LBP: variants seen among roughly 807,000 people sequenced by gnomAD.
LBP encodes the protein lipopolysaccharide-binding protein.
A neutral mutation model predicts 56.6 loss-of-function variants in LBP; 53 were observed. That is an observed-to-expected ratio of 0.94 (90% CI 0.75 to 1.18). The LOEUF is 1.18. Ranked by LOEUF, LBP falls within the 50% of genes most tolerant of loss-of-function variation. The pLI is 0.00. For missense variants in LBP, 601 were observed against 598.3 expected (o/e 1.00, Z -0.05); for synonymous variants, 227 against 247.5 (o/e 0.92, Z 0.78).
At chr20:38,361,454 G>T (rs1444457747) in intron 6 of LBP, among the ~76,000 whole-genome samples, 2 of 152,068 alleles carry the variant, frequency 1.3e-5, no homozygotes, top group Non-Finnish European at 2.9e-5. Flanking sequence ...TCCCAGGCTG[G>T]AGTGCAGTGG....
intron 1 of LBP, among the ~76,000 whole-genome samples, chr20:38,348,766 T>TAGTTTAGTTC (rs1259917850): frequency 9.1e-6 from 1 of 110,036 alleles, no homozygotes; most frequent in Non-Finnish European, 2.0e-5. Context: ...TAGTTTAGTT[T>TAGTTTAGTTC]AGTTTAGTTT....
chr20:38,353,022 C>A (rs1013735274), intron 3 of LBP, among the ~76,000 whole-genome samples: 3 of 152,062 alleles, frequency 2.0e-5, no homozygotes, highest in Non-Finnish European at 4.4e-5. Context: ...CCTACATATG[C>A]ACATTTGTTC....
intron 14 of LBP, among the ~76,000 whole-genome samples, chr20:38,374,735 A>C (rs1261796126): frequency 6.6e-6 from 1 of 151,176 alleles, no homozygotes; most frequent in Non-Finnish European, 1.5e-5. Flanking sequence ...TATTATAAAT[A>C]CCTGTTTGGC....
rs769026929 is a variant in LBP, at chr20:38,374,019, T to C, written c.1401+6T>C. On this transcript the variant is annotated splice_donor_region_variant and intron_variant, in intron 14 of 14. Coordinates refer to ENST00000217407, the MANE Select transcript of LBP (RefSeq NM_004139.5). ...TTGGGCTGCAGATCCATAAGGTCGG[T>C]GGGTTCAGGGGGGCTCTGAGGATGT... The C allele has an allele frequency of 5.8e-5, 94 of 1,613,634 alleles. No individual in the cohort carries two copies. Among genetic ancestry groups the C allele is most frequent in the Non-Finnish European group, 2.4e-5 (28 of 1,179,778 alleles).
Position 38,362,392 on chromosome 20 carries a change from T to C in LBP, c.653-1583T>C, listed in dbSNP as rs1444787557. Among the ~76,000 whole-genome samples the C allele has an allele frequency of 3.6e-3, 516 of 144,864 alleles. 2 individuals carry two copies. Among genetic ancestry groups the C allele is most frequent in the African/African-American group, 0.013 (503 of 39,690 alleles). ...TTTAGGGAGGCCGAGGCGGGTGGAT[T>C]ACCTGAGGTCAGGAGTTCGAGACCA... On this transcript the variant is annotated intron_variant, in intron 6 of 14. Coordinates refer to ENST00000217407, the MANE Select transcript of LBP (RefSeq NM_004139.5).
intron 3 of LBP, among the ~76,000 whole-genome samples, chr20:38,352,609 G>A (rs2076824261): frequency 6.6e-6 from 1 of 152,136 alleles, no homozygotes; most frequent in Non-Finnish European, 1.5e-5. Flanking sequence ...ACAAAAATTA[G>A]CTGGGCGTAG....
rs778337160 is a variant in LBP, at chr20:38,369,054, G to A, written c.1041G>A (p.Pro347=). 6.8e-6 allele frequency: 11 copies of A among 1,613,992 alleles called. No individual in the cohort carries two copies. The highest frequency in any genetic ancestry group is 4.0e-5 in the African/African-American group (3 of 74,968). ...LELQGSVPSA[P]LLNFSPGNLS... is the part of the protein sequence containing the mutation. ...TCCAGGGATCAGTGCCCTCTGCTCC[G>A]CTCCTGAACTTCAGCCCTGGGAATC... Residue 347 remains proline, a synonymous_variant, in exon 10 of 15, where the codon CCG becomes CCA. Transcript: ENST00000217407.
At chr20:38,348,297 G>A (rs1024115892) in intron 1 of LBP, among the ~76,000 whole-genome samples, 1 of 152,006 alleles carries the variant, frequency 6.6e-6, no homozygotes, top group African/African-American at 2.4e-5. Flanking sequence ...TCTGAGGTTG[G>A]ACATTTTGGT....
At chr20:38,348,269 T>A (rs1034673587) in intron 1 of LBP, among the ~76,000 whole-genome samples, 7 of 152,132 alleles carry the variant, frequency 4.6e-5, no homozygotes, top group Non-Finnish European at 4.4e-5. Context: ...ACACACACCA[T>A]GTTTATGTAA....
intron 1 of LBP, among the ~76,000 whole-genome samples, chr20:38,347,198 C>A (rs2076804051): frequency 6.6e-6 from 1 of 152,274 alleles, no homozygotes; most frequent in Admixed American, 6.5e-5. Context: ...TTTAGCAATA[C>A]CTTTAAAATT....
chr20:38,359,230 G>GT (rs974102763), intron 5 of LBP, among the ~76,000 whole-genome samples: 42 of 151,196 alleles, frequency 2.8e-4, no homozygotes, highest in African/African-American at 8.0e-4. Context: ...TGGTTTTTTG[G>GT]TTTTTTTTGC....
intron 5 of LBP, among the ~76,000 whole-genome samples, chr20:38,356,854 ATC>A (rs1462513848): frequency 1.3e-5 from 2 of 151,606 alleles, no homozygotes; most frequent in East Asian, 1.9e-4. Flanking sequence ...GTCCCTCTGG[ATC>A]TCTCTTTTTT....
rs776454764 is a variant in LBP at position 38,376,834 on chromosome 20, T to A, written c.*165T>A. 1.3e-6 allele frequency: 1 copy of A among 742,036 alleles called. No individual in the cohort carries two copies. The highest frequency in any genetic ancestry group is 2.6e-5 in the East Asian group (1 of 38,472). The allele number at this position is 742,036 out of a possible 1,614,324, so 46.0% of individuals were successfully genotyped here. On this transcript the variant is annotated 3_prime_UTR_variant, in exon 15 of 15. Transcript: ENST00000217407. ...CTCCACCCTCCTCCTCTTCACCAGGTGCATGCATGCCCTCTCTGAGTCTGG... is the reference window on the plus strand; with the variant it reads ...CTCCACCCTCCTCCTCTTCACCAGGAGCATGCATGCCCTCTCTGAGTCTGG...
At chr20:38,359,500 T>G (rs1381901440) in intron 5 of LBP, among the ~76,000 whole-genome samples, 1 of 152,126 alleles carries the variant, frequency 6.6e-6, no homozygotes, top group East Asian at 1.9e-4. Flanking sequence ...GAGAGTCACT[T>G]GAACCTGGGA....
chr20:38,376,587 A>T (rs753776128), intron 14 of LBP, 38 bp from the exon 15 acceptor site: 3 of 1,592,808 alleles, frequency 1.9e-6, no homozygotes, highest in African/African-American at 1.3e-5. Context: ...GGAGTAGAGG[A>T]TGCTCTTTAC....
At position 38,354,575 on chromosome 20, in the gene LBP, C is replaced by T. The variant is rs971702221; in HGVS notation, c.524+136C>T. 4.3e-6 allele frequency: 3 copies of T among 702,404 alleles called. No homozygotes were observed. The South Asian group carries it at 6.6e-5, about 15-fold the overall frequency. The allele number at this position is 702,404 out of a possible 1,614,324, so 43.5% of individuals were successfully genotyped here. ...CACTTGAAGATCATTCTCTGGGGAA[C>T]CCTGTTGAGATGAACAGACTTAAGC... On this transcript the variant is annotated intron_variant, in intron 4 of 14. Transcript: ENST00000217407.
At chr20:38,352,812 AT>A (rs2076825091) in intron 3 of LBP, among the ~76,000 whole-genome samples, 1 of 151,096 alleles carries the variant, frequency 6.6e-6, no homozygotes, top group South Asian at 2.1e-4. Context: ...CACCTGGCTA[AT>A]TTTTAAAATT....
intron 4 of LBP, among the ~76,000 whole-genome samples, chr20:38,355,023 A>T (rs2076833725): frequency 6.6e-6 from 1 of 152,214 alleles, no homozygotes; most frequent in East Asian, 1.9e-4. Flanking sequence ...CAGAGGTTGC[A>T]GTGAGCTGAG....
intron 10 of LBP, 124 bp from the exon 11 acceptor site, chr20:38,370,613 GC>G (rs2076897645): frequency 3.7e-6 from 3 of 806,454 alleles, no homozygotes; most frequent in South Asian, 3.0e-5. Flanking sequence ...GATCTAGTGG[GC>G]AAATTTCCTG....
Sources: gnomAD v4.1 joint callset for allele counts (sites outside exome capture counted in the v4.1 genomes callset) on GRCh38, gnomAD v4.1.1 for gene constraint, MANE v1.5 for transcripts, NCBI Gene and HGNC (gene_info 2026-07-23, HGNC 2026-07-21) for gene names.